SUPT3H: variants seen among roughly 807,000 people sequenced by gnomAD.
SUPT3H encodes the protein SPT3 homolog, SAGA and STAGA complex component.
In SUPT3H, 44 loss-of-function variants were observed where a neutral mutation model predicts 44.3. That is an observed-to-expected ratio of 0.99 (90% CI 0.78 to 1.28). The LOEUF is 1.28. SUPT3H is among the 50% of genes most tolerant of loss of function. SUPT3H has a pLI of 0.00. For missense variants in SUPT3H, 380 were observed against 387.1 expected, an observed-to-expected ratio of 0.98 and a Z score of 0.15; for synonymous variants, 124 against 125.6, an observed-to-expected ratio of 0.99 and a Z score of 0.09.
intron 4 of SUPT3H, among the ~76,000 whole-genome samples, chr6:45,018,548 T>C (rs1225837406): frequency 6.6e-6 from 1 of 152,200 alleles, no homozygotes; most frequent in Non-Finnish European, 1.5e-5. Flanking sequence ...TGAGCGTTTT[T>C]AGCATGAAGG....
At chr6:44,951,057 T>G (rs1269531058) in intron 9 of SUPT3H, among the ~76,000 whole-genome samples, 1 of 152,012 alleles carries the variant, frequency 6.6e-6, no homozygotes. Context: ...CTACTATTCC[T>G]CTTTAATGAA....
intron 2 of SUPT3H, among the ~76,000 whole-genome samples, chr6:45,342,023 T>C (rs1018482303): frequency 1.3e-5 from 2 of 151,008 alleles, no homozygotes; most frequent in African/African-American, 4.9e-5. Context: ...GAGACTGGAC[T>C]GAAAAATATG....
chr6:45,167,765 C>G (rs1206822258), intron 2 of SUPT3H, among the ~76,000 whole-genome samples: 2 of 151,630 alleles, frequency 1.3e-5, no homozygotes, highest in South Asian at 4.2e-4. Flanking sequence ...TATCTTCACT[C>G]AAGTTTTGAC....
chr6:45,231,085 CTTTCT>C (rs1405072790), intron 2 of SUPT3H, among the ~76,000 whole-genome samples: 2 of 152,102 alleles, frequency 1.3e-5, no homozygotes, highest in Non-Finnish European at 2.9e-5. Context: ...TTCTTTGTTC[CTTTCT>C]TATTTTCTGA....
chr6:44,861,903 T>C (rs145047814), intron 10 of SUPT3H, among the ~76,000 whole-genome samples: 1 of 152,164 alleles, frequency 6.6e-6, no homozygotes, highest in Non-Finnish European at 1.5e-5. Context: ...AGCTAAAATG[T>C]AAGATCTTGT....
At chr6:45,164,233 G>A (rs1423055935) in intron 2 of SUPT3H, among the ~76,000 whole-genome samples, 1 of 152,054 alleles carries the variant, frequency 6.6e-6, no homozygotes, top group African/African-American at 2.4e-5. Context: ...TATTCATGGG[G>A]CATCAAAAAG....
chr6:44,867,236 C>G (rs1775654395), intron 10 of SUPT3H, among the ~76,000 whole-genome samples: 1 of 151,742 alleles, frequency 6.6e-6, no homozygotes, highest in South Asian at 2.1e-4. Flanking sequence ...ACTGCAACCT[C>G]CGCCTCCTGG....
In SUPT3H at chr6:45,020,592, C is replaced by T. The variant is rs905825441; in HGVS notation, c.227G>A (p.Arg76Lys). ...CAGAAGATCTTCAGGAGTGATTACC[C>T]TTGCTCCCCGCAGCTGAGAAACTTC... is the stretch of plus-strand genomic sequence containing the variant. ...AAEVSQLRGA[R>K]VITPEDLLFL... The change falls in exon 4 of 11, where the codon AGG (arginine) becomes AAG (lysine). Residue 76 changes from arginine (R) to lysine (K), a missense_variant. Transcript: ENST00000371459. 1.2e-6 allele frequency: 2 copies of T among 1,611,712 alleles called. No homozygotes were observed. The highest frequency in any genetic ancestry group is 1.7e-6 in the Non-Finnish European group (2 of 1,178,430).
intron 2 of SUPT3H, among the ~76,000 whole-genome samples, chr6:45,132,699 T>G (rs1803657252): frequency 6.6e-6 from 1 of 152,218 alleles, no homozygotes; most frequent in African/African-American, 2.4e-5. Context: ...ATAACCCATC[T>G]GAATTTATTA....
At chr6:45,176,990 G>A (rs2153610685) in intron 2 of SUPT3H, among the ~76,000 whole-genome samples, 1 of 152,270 alleles carries the variant, frequency 6.6e-6, no homozygotes, top group East Asian at 1.9e-4. Flanking sequence ...AGAAAAACTG[G>A]AAACTCTAAA....
intron 3 of SUPT3H, among the ~76,000 whole-genome samples, chr6:45,031,810 CACTT>C (rs1786985303): frequency 1.3e-5 from 2 of 152,146 alleles, no homozygotes; most frequent in South Asian, 2.1e-4. Context: ...AAGGGAAACT[CACTT>C]AGTCATACCA....
At chr6:45,012,097 G>GTT (rs369337555) in intron 5 of SUPT3H, among the ~76,000 whole-genome samples, 1 of 134,366 alleles carries the variant, frequency 7.4e-6, no homozygotes, top group African/African-American at 2.7e-5. Flanking sequence ...TTTTTTGTCT[G>GTT]TTTTTTTTTT....
intron 11 of SUPT3H, among the ~76,000 whole-genome samples, chr6:44,810,601 T>TG (rs1766444560): frequency 3.4e-5 from 5 of 145,416 alleles, no homozygotes; most frequent in African/African-American, 1.3e-4. Context: ...AGCCTTTTAC[T>TG]AAAAAAAAAA....
At chr6:45,366,566 T>G (rs566330587) in intron 1 of SUPT3H, among the ~76,000 whole-genome samples, 2 of 152,340 alleles carry the variant, frequency 1.3e-5, no homozygotes, top group Non-Finnish European at 2.9e-5. Context: ...CTCCTTTATC[T>G]GCTAAAAACT....
At position 45,115,270 on chromosome 6, in the gene SUPT3H, G is replaced by A. The variant is rs1800675731; in HGVS notation, c.102-9264C>T. ...CGTCAAGATTACTTGGTATGAGATA[G>A]TCACAGAGATAAGAGAATTTTGTAC... On this transcript the variant is annotated intron_variant, in intron 2 of 10. Transcript: ENST00000371459. Among the ~76,000 whole-genome samples the A allele has an allele frequency of 2.6e-5, 4 of 152,192 alleles. No homozygotes were observed. The South Asian group carries it at 8.3e-4, about 32-fold the overall frequency.
At chr6:45,118,146 A>G (rs943942743) in intron 2 of SUPT3H, among the ~76,000 whole-genome samples, 8 of 152,136 alleles carry the variant, frequency 5.3e-5, no homozygotes, top group African/African-American at 1.4e-4. Context: ...AGATATTTAT[A>G]TACACTATTA....
intron 2 of SUPT3H, among the ~76,000 whole-genome samples, chr6:45,127,576 A>G (rs1392326519): frequency 2.0e-5 from 3 of 152,230 alleles, no homozygotes; most frequent in Non-Finnish European, 4.4e-5. Flanking sequence ...ATCCAGAGTT[A>G]GCATTCTCAA....
intron 2 of SUPT3H, chr6:45,328,444 C>A: frequency 6.8e-7 from 1 of 1,460,388 alleles, no homozygotes; most frequent in Admixed American, 1.8e-5. Context: ...TACCAGCCAC[C>A]GAGACCAACA....
chr6:45,054,592 A>G (rs1484836887), intron 3 of SUPT3H, among the ~76,000 whole-genome samples: 1 of 152,204 alleles, frequency 6.6e-6, no homozygotes, highest in African/African-American at 2.4e-5. Flanking sequence ...TATCTCAGCC[A>G]TGAACCTTGC....
Sources: allele counts gnomAD v4.1 joint callset (sites outside exome capture counted in the v4.1 genomes callset), GRCh38; gene constraint gnomAD v4.1.1; transcripts MANE v1.5; gene names NCBI Gene and HGNC (gene_info 2026-07-23, HGNC 2026-07-21).